AGBL1: variants seen among roughly 807,000 people sequenced by gnomAD.
AGBL1 encodes cytosolic carboxypeptidase 4.
A neutral mutation model predicts 118.9 loss-of-function variants in AGBL1; 130 were observed. The ratio of observed to expected loss-of-function variants is 1.09; its 90% CI spans 0.95 to 1.26. The LOEUF (loss-of-function observed/expected upper bound fraction) is 1.26. Ranked by LOEUF, AGBL1 falls within the 50% of genes most tolerant of loss-of-function variation. The pLI is 0.00. For synonymous variants in AGBL1, 555 were observed against 478.9 expected (o/e 1.16, Z -2.08); for missense variants, 1,584 against 1,298.1 (o/e 1.22, Z -3.38).
chr15:86,735,852 G>A (rs762640600), intron 22 of AGBL1, among the ~76,000 whole-genome samples: 12 of 152,040 alleles, frequency 7.9e-5, no homozygotes, highest in Admixed American at 4.6e-4. Context: ...CAGGGGTGCC[G>A]TACCTCACAG....
chr15:86,106,212 A>C (rs1437873251), intron 1 of AGBL1, among the ~76,000 whole-genome samples: 1 of 152,180 alleles, frequency 6.6e-6, no homozygotes, highest in East Asian at 1.9e-4. Context: ...TGCTTACATT[A>C]TATGTGCTTG....
At chr15:86,923,277 A>G (rs2080498798) in intron 23 of AGBL1, among the ~76,000 whole-genome samples, 1 of 152,170 alleles carries the variant, frequency 6.6e-6, no homozygotes, top group Non-Finnish European at 1.5e-5. Flanking sequence ...AGTTGTCCAT[A>G]TGATGTATCA....
chr15:86,652,351 C>G lies in AGBL1; in HGVS notation c.2995-21922C>G, dbSNP rs1230082676. 1.3e-5 allele frequency among the ~76,000 whole-genome samples: 2 copies of G among 152,054 alleles called. 1 individual carries two copies. The highest frequency in any genetic ancestry group is 2.9e-5 in the Non-Finnish European group (2 of 68,016). On this transcript the variant is annotated intron_variant, in intron 21 of 22. Transcript: ENST00000614907. ...TTCCAGAGAGGCACAGGGATCTCAG[C>G]CTCCTAATGTTGTTATTGTTGAAGA...
intron 23 of AGBL1, among the ~76,000 whole-genome samples, chr15:86,954,194 G>T (rs1432756568): frequency 6.6e-6 from 1 of 152,196 alleles, no homozygotes; most frequent in African/African-American, 2.4e-5. Context: ...TAAACTGTTG[G>T]TAAGGATGGA....
Position 86,875,492 on chromosome 15 carries a change from CT to C in AGBL1, c.3159-31592del, listed in dbSNP as rs111335471. ...TTGGGATCAGCGTTGAGCCTCATAACTTTCTCTTCAGTGTCTGACTTGCATC... is the reference window on the plus strand; with the variant it reads ...TTGGGATCAGCGTTGAGCCTCATAACTTCTCTTCAGTGTCTGACTTGCATC... On this transcript the variant is annotated intron_variant, in intron 22 of 22. Transcript: ENST00000614907. Among the ~76,000 whole-genome samples the C allele has an allele frequency of 7.9e-5, 12 of 152,326 alleles. 2 individuals carry two copies. Among genetic ancestry groups the C allele is most frequent in the African/African-American group, 2.9e-4 (12 of 41,574 alleles).
intron 5 of AGBL1, among the ~76,000 whole-genome samples, chr15:86,201,515 A>C (rs1429989240): frequency 6.6e-6 from 1 of 152,226 alleles, no homozygotes; most frequent in African/African-American, 2.4e-5. Flanking sequence ...TGATGTTATC[A>C]CAAAACACTG....
At chr15:86,690,984 A>G (rs544472961) in intron 22 of AGBL1, among the ~76,000 whole-genome samples, 155 of 152,216 alleles carry the variant, frequency 1.0e-3, no homozygotes, top group African/African-American at 3.7e-3. Context: ...TTTTTCTTTT[A>G]TGTGGACATT....
At chr15:86,275,040 G>A (rs968611460) in intron 15 of AGBL1, among the ~76,000 whole-genome samples, 31 of 151,974 alleles carry the variant, frequency 2.0e-4, no homozygotes, top group Non-Finnish European at 4.1e-4. Flanking sequence ...CCTGCCTCTC[G>A]TAAAAGTAAG....
chr15:86,956,344 G>C (rs1165357018), intron 23 of AGBL1, among the ~76,000 whole-genome samples: 1 of 151,928 alleles, frequency 6.6e-6, no homozygotes, highest in African/African-American at 2.4e-5. Flanking sequence ...ATAGATAGAT[G>C]ATAGATGAAA....
intron 1 of AGBL1, chr15:86,104,956 C>T (rs915619040): frequency 6.6e-6 from 1 of 152,078 alleles, no homozygotes; most frequent in African/African-American, 2.4e-5. Context: ...ACTGGGAGCC[C>T]CTTGCCTACC....
intron 5 of AGBL1, among the ~76,000 whole-genome samples, chr15:86,222,446 G>T (rs964821817): frequency 3.3e-5 from 5 of 151,832 alleles, no homozygotes; most frequent in African/African-American, 9.7e-5. Context: ...TTCACCCTCC[G>T]CAGCTCACCT....
intron 22 of AGBL1, among the ~76,000 whole-genome samples, chr15:86,900,755 G>C (rs1462639442): frequency 6.6e-6 from 1 of 151,612 alleles, no homozygotes. Flanking sequence ...TTACTGATAA[G>C]ATGTTGAATA....
chr15:86,804,478 CA>C (rs574681363), intron 22 of AGBL1, among the ~76,000 whole-genome samples: 1 of 151,942 alleles, frequency 6.6e-6, no homozygotes, highest in African/African-American at 2.4e-5. Flanking sequence ...AGAAACACAA[CA>C]AAAAAACCCA....
At chr15:86,769,137 C>A (rs2078136427) in intron 22 of AGBL1, among the ~76,000 whole-genome samples, 1 of 120,556 alleles carries the variant, frequency 8.3e-6, no homozygotes. Context: ...GGAGAGGAAC[C>A]CAAGATTAAA....
chr15:86,924,183 A>T (rs907703061), intron 23 of AGBL1, among the ~76,000 whole-genome samples: 1 of 152,220 alleles, frequency 6.6e-6, no homozygotes, highest in African/African-American at 2.4e-5. Flanking sequence ...GCATACACAC[A>T]TGCTCATACA....
At chr15:86,637,486 A>C (rs1487353158) in intron 21 of AGBL1, among the ~76,000 whole-genome samples, 1 of 152,192 alleles carries the variant, frequency 6.6e-6, no homozygotes, top group Non-Finnish European at 1.5e-5. Flanking sequence ...GATAGTTCAG[A>C]GAGGAGGAAA....
intron 18 of AGBL1, among the ~76,000 whole-genome samples, chr15:86,447,175 G>T (rs1479271306): frequency 6.6e-6 from 1 of 152,156 alleles, no homozygotes; most frequent in Non-Finnish European, 1.5e-5. Flanking sequence ...TTCCTTCTGT[G>T]TATTTAATTT....
intron 9 of AGBL1, among the ~76,000 whole-genome samples, chr15:86,262,297 A>G (rs753144105): frequency 6.6e-6 from 1 of 151,904 alleles, no homozygotes; most frequent in African/African-American, 2.4e-5. Context: ...GGCAAATACC[A>G]TGGAAGCATG....
downstream of AGBL1, among the ~76,000 whole-genome samples, chr15:87,030,854 C>A (rs986577326): frequency 6.6e-6 from 1 of 151,900 alleles, no homozygotes; most frequent in Non-Finnish European, 1.5e-5. Context: ...TCTACTCGCA[C>A]CAAGCCACAG....
Sources: gnomAD v4.1 joint callset for allele counts (sites outside exome capture counted in the v4.1 genomes callset) on GRCh38, gnomAD v4.1.1 for gene constraint, MANE v1.5 for transcripts, NCBI Gene and HGNC (gene_info 2026-07-23, HGNC 2026-07-21) for gene names.